FAM13C: variants seen among roughly 807,000 people sequenced by gnomAD.
FAM13C encodes protein FAM13C.
Under a neutral mutation model 73.2 loss-of-function variants are expected in FAM13C, and 37 were observed. The observed-to-expected ratio is 0.51, with a 90% CI of 0.39 to 0.67. The LOEUF is 0.67. Ranked by LOEUF, FAM13C falls within the 30% of genes least tolerant of loss-of-function variation. The probability of loss-of-function intolerance (pLI) is 0.00; values close to 1 mark genes in which losing one functional copy is unlikely to be tolerated. For synonymous variants in FAM13C, 246 were observed against 260.9 expected, an observed-to-expected ratio of 0.94 and a Z score of 0.55; for missense variants, 589 against 715.6, an observed-to-expected ratio of 0.82 and a Z score of 2.02.
chr10:59,273,244 C>T (rs1843927936), intron 6 of FAM13C, among the ~76,000 whole-genome samples: 1 of 152,144 alleles, frequency 6.6e-6, no homozygotes, highest in Non-Finnish European at 1.5e-5. Flanking sequence ...AATATTCACC[C>T]ATGCATCCTT....
chr10:59,346,714 C>T (rs1854335621), intron 3 of FAM13C, among the ~76,000 whole-genome samples: 1 of 152,156 alleles, frequency 6.6e-6, no homozygotes, highest in Non-Finnish European at 1.5e-5. Context: ...AAGTTGGTTC[C>T]ATTAGTTAAG....
chr10:59,318,053 C>A (rs1849755146), intron 4 of FAM13C, among the ~76,000 whole-genome samples: 1 of 151,720 alleles, frequency 6.6e-6, no homozygotes, highest in African/African-American at 2.4e-5. Context: ...AGTGCCTTAC[C>A]ATGGTAATAG....
chr10:59,352,159 C>G, intron 3 of FAM13C, 111 bp downstream of exon 3: 1 of 1,218,766 alleles, frequency 8.2e-7, no homozygotes, highest in Non-Finnish European at 1.2e-6. Context: ...AATGACAAGT[C>G]GTGCCAATCC....
intron 4 of FAM13C, among the ~76,000 whole-genome samples, chr10:59,314,196 G>C (rs1849261654): frequency 6.6e-6 from 1 of 152,142 alleles, no homozygotes; most frequent in African/African-American, 2.4e-5. Flanking sequence ...CAAGATAGAT[G>C]TATTGGCAAG....
intron 6 of FAM13C, among the ~76,000 whole-genome samples, chr10:59,276,330 A>T (rs563460061): frequency 6.6e-6 from 1 of 152,218 alleles, no homozygotes; most frequent in African/African-American, 2.4e-5. Flanking sequence ...TGTAAGCATT[A>T]TCAACTGGAG....
chr10:59,260,972 C>T (rs1842448696), intron 10 of FAM13C, among the ~76,000 whole-genome samples: 1 of 152,126 alleles, frequency 6.6e-6, no homozygotes, highest in African/African-American at 2.4e-5. Flanking sequence ...AGTGCTGAAT[C>T]CTGTTCTAAC....
intron 5 of FAM13C, among the ~76,000 whole-genome samples, chr10:59,288,523 CA>C (rs1231244942): frequency 6.6e-6 from 1 of 152,090 alleles, no homozygotes; most frequent in Non-Finnish European, 1.5e-5. Context: ...TGTTCTCATC[CA>C]TCTTCCTCTG....
intron 4 of FAM13C, among the ~76,000 whole-genome samples, chr10:59,315,136 A>T (rs1849372674): frequency 6.6e-6 from 1 of 152,244 alleles, no homozygotes; most frequent in South Asian, 2.1e-4. Flanking sequence ...AATAATATAA[A>T]CTTATCACTT....
At chr10:59,298,141 T>G (rs922018198) in intron 5 of FAM13C, among the ~76,000 whole-genome samples, 7 of 152,236 alleles carry the variant, frequency 4.6e-5, no homozygotes, top group Admixed American at 3.9e-4. Context: ...TTCAGATTTA[T>G]AAGCTGGCAT....
At chr10:59,342,572 T>C (rs991874319) in intron 3 of FAM13C, among the ~76,000 whole-genome samples, 1 of 152,216 alleles carries the variant, frequency 6.6e-6, no homozygotes, top group Non-Finnish European at 1.5e-5. Context: ...TACGTAAGTA[T>C]ACCCCATGCA....
intron 6 of FAM13C, among the ~76,000 whole-genome samples, chr10:59,271,246 G>A (rs1292089882): frequency 6.6e-6 from 1 of 152,230 alleles, no homozygotes; most frequent in Non-Finnish European, 1.5e-5. Context: ...AAACACTGAT[G>A]CTCTGCTTGT....
chr10:59,355,876 G>T lies in FAM13C; in HGVS notation c.119+11C>A, dbSNP rs762055623. The T allele has an allele frequency of 3.7e-6, 6 of 1,613,684 alleles. No homozygotes were observed. In the South Asian group the frequency reaches 6.6e-5, roughly 18 times the overall value. Reference sequence around the variant, plus strand: ...TCTCACAAATATGAACCAAGCAATGGTGGCTTTTACCTGAGACTGGAGCAA... The same window carrying T: ...TCTCACAAATATGAACCAAGCAATGTTGGCTTTTACCTGAGACTGGAGCAA... On this transcript the variant is annotated intron_variant, in intron 2 of 13. Transcript: ENST00000618804.
intron 3 of FAM13C, among the ~76,000 whole-genome samples, chr10:59,334,138 A>G (rs890790468): frequency 1.3e-5 from 2 of 152,216 alleles, no homozygotes; most frequent in South Asian, 2.1e-4. Context: ...TGTATCAGAA[A>G]CCAGAAATGC....
At chr10:59,308,531 A>G (rs1482503091) in intron 4 of FAM13C, among the ~76,000 whole-genome samples, 3 of 54,160 alleles carry the variant, frequency 5.5e-5, no homozygotes, top group Non-Finnish European at 1.4e-4. Context: ...CATCACCCCC[A>G]TCATCACCCC....
chr10:59,251,158 G>A (rs1841335995), intron 13 of FAM13C: 1 of 212,574 alleles, frequency 4.7e-6, no homozygotes, highest in South Asian at 1.8e-4. Context: ...TGACTTTTAA[G>A]GAAGACATTT....
At chr10:59,311,482 G>C (rs1848912902) in intron 4 of FAM13C, among the ~76,000 whole-genome samples, 1 of 152,138 alleles carries the variant, frequency 6.6e-6, no homozygotes, top group African/African-American at 2.4e-5. Flanking sequence ...CATACACTTA[G>C]TAAATACATT....
At chr10:59,249,864 T>C (rs76963532) in intron 13 of FAM13C, among the ~76,000 whole-genome samples, 1,712 of 152,280 alleles carry the variant, frequency 0.011, 13 homozygotes, top group Non-Finnish European at 0.017. Context: ...TGGAACACTA[T>C]ACATAGAACA....
At position 59,264,731 on chromosome 10, in the gene FAM13C, C is replaced by T. The variant is rs187940513; in HGVS notation, c.943-565G>A. 2.3e-4 allele frequency among the ~76,000 whole-genome samples: 35 copies of T among 152,230 alleles called. No homozygotes were observed. The East Asian group carries it at 3.3e-3, about 14-fold the overall frequency. On this transcript the variant is annotated intron_variant, in intron 8 of 13. Transcript: ENST00000618804. ...AATCTCTAAAACCTGACAATATTCC[C>T]GAGAAGTCAGTTTGTTAGGGGGATA...
At chr10:59,352,578 T>TAGAC in intron 2 of FAM13C, 104 bp from the exon 3 acceptor site, 1 of 1,282,568 alleles carries the variant, frequency 7.8e-7, no homozygotes, top group Non-Finnish European at 1.0e-6. Flanking sequence ...ATTTATAGGA[T>TAGAC]AGACACCTCG....
Sources: gnomAD v4.1 joint callset for allele counts (sites outside exome capture counted in the v4.1 genomes callset) on GRCh38, gnomAD v4.1.1 for gene constraint, MANE v1.5 for transcripts, NCBI Gene and HGNC (gene_info 2026-07-23, HGNC 2026-07-21) for gene names.